The following ADGRL3 variants were observed in gnomAD, a reference collection of about 807,000 sequenced individuals.
ADGRL3 encodes adhesion G protein-coupled receptor L3, also known as calcium-independent alpha-latrotoxin receptor 3.
A neutral mutation model predicts 153.5 loss-of-function variants in ADGRL3; 62 were observed. The ratio of observed to expected loss-of-function variants is 0.40; its 90% confidence interval spans 0.33 to 0.50. ADGRL3 has a LOEUF of 0.50. Among genes scored for constraint, ADGRL3 ranks in the 20% least tolerant of loss-of-function variants. The probability of loss-of-function intolerance (pLI) is 0.47; values close to 1 mark genes in which losing one functional copy is unlikely to be tolerated. For missense variants in ADGRL3, 1,641 were observed against 1,859.4 expected, an observed-to-expected ratio of 0.88 and a Z score of 2.16; for synonymous variants, 710 against 672.5, an observed-to-expected ratio of 1.06 and a Z score of -0.86.
chr4:61,344,943 T>C (rs1371453597), intron 1 of ADGRL3, among the ~76,000 whole-genome samples: 1 of 151,264 alleles, frequency 6.6e-6, no homozygotes, highest in Non-Finnish European at 1.5e-5. Flanking sequence ...CCTGCCACCA[T>C]GCCTGGCTAA....
intron 8 of ADGRL3, among the ~76,000 whole-genome samples, chr4:61,754,226 T>C (rs1456115348): frequency 6.6e-6 from 1 of 152,226 alleles, no homozygotes; most frequent in East Asian, 1.9e-4. Flanking sequence ...AACCAATGTT[T>C]CTAGTTATTT....
chr4:61,651,117 C>T (rs904912926), intron 5 of ADGRL3, among the ~76,000 whole-genome samples: 3 of 151,928 alleles, frequency 2.0e-5, no homozygotes, highest in Non-Finnish European at 1.5e-5. Context: ...TAAAAAGGTT[C>T]GGAAGAAAAG....
intron 1 of ADGRL3, among the ~76,000 whole-genome samples, chr4:61,380,391 T>G (rs866771143): frequency 2.0e-5 from 3 of 152,052 alleles, no homozygotes; most frequent in African/African-American, 7.2e-5. Flanking sequence ...TCTCTACTTT[T>G]TAAACTTTCC....
intron 3 of ADGRL3, among the ~76,000 whole-genome samples, chr4:61,498,447 G>A (rs186813914): frequency 5.3e-5 from 8 of 152,176 alleles, no homozygotes; most frequent in Non-Finnish European, 7.4e-5. Flanking sequence ...CTACTCGGGA[G>A]GCTGAGGCAG....
chr4:62,028,577 C>A (rs2151474108), intron 21 of ADGRL3, among the ~76,000 whole-genome samples: 1 of 151,810 alleles, frequency 6.6e-6, no homozygotes, highest in East Asian at 1.9e-4. Context: ...AAATAAATGT[C>A]TCTTTCAAGT....
chr4:61,262,772 G>T (rs1298294146), intron 1 of ADGRL3, among the ~76,000 whole-genome samples: 1 of 151,968 alleles, frequency 6.6e-6, no homozygotes, highest in African/African-American at 2.4e-5. Context: ...ACTTACCACG[G>T]AATCACAGAC....
intron 8 of ADGRL3, among the ~76,000 whole-genome samples, chr4:61,750,650 C>T (rs1053717532): frequency 7.9e-5 from 12 of 151,844 alleles, no homozygotes; most frequent in Admixed American, 7.2e-4. Context: ...TTTAGCCGGG[C>T]GTAGTGGCGG....
Position 62,028,877 on chromosome 4 carries a change from A to T in ADGRL3, c.3418A>T (p.Ile1140Phe). ...NINYEDNRPF[I>F]KSWVIGAIAL... Reference sequence around the variant, plus strand: ...TAGCTATGAGGATAACAGACCCTTCATCAAGTAAGAATGACCTGAATGGCT... The same window carrying T: ...TAGCTATGAGGATAACAGACCCTTCTTCAAGTAAGAATGACCTGAATGGCT... Residue 1140 changes from isoleucine (I) to phenylalanine (F), a missense_variant, in exon 22 of 27, where the codon ATC (isoleucine) becomes TTC (phenylalanine). Ile to Phe is a conservative substitution (Grantham distance 21). This residue lies in a region of ADGRL3 where 517 missense variants were observed against 555.0 expected (regional missense o/e 0.93). Coordinates refer to ENST00000683033, the MANE Select transcript of ADGRL3 (RefSeq NM_001387552.1). 5.0e-6 allele frequency: 8 copies of T among 1,605,840 alleles called. No individual in the cohort carries two copies. Among genetic ancestry groups the T allele is most frequent in the Non-Finnish European group, 6.8e-6 (8 of 1,175,422 alleles).
chr4:61,743,324 C>CAAAAAAAA (rs752363213), intron 8 of ADGRL3, among the ~76,000 whole-genome samples: 2 of 50,786 alleles, frequency 3.9e-5, no homozygotes, highest in Non-Finnish European at 9.3e-5. Flanking sequence ...GACTCCATCT[C>CAAAAAAAA]AAAAAAAAAA....
rs563096117 is a variant in ADGRL3 at position 62,049,669 on chromosome 4, A to C, written c.3814+5120A>C. Among the ~76,000 whole-genome samples the C allele has an allele frequency of 2.0e-5, 3 of 152,236 alleles. No homozygotes were observed. In the South Asian group the frequency reaches 6.2e-4, roughly 32 times the overall value. On this transcript the variant is annotated intron_variant, in intron 25 of 26. Coordinates refer to ENST00000683033, the MANE Select transcript of ADGRL3 (RefSeq NM_001387552.1). ...AGCTAGTGGCATTACTACCTACTGA[A>C]AAGTGACCCCACCTGTTAGGAGTAT...
intron 1 of ADGRL3, among the ~76,000 whole-genome samples, chr4:61,368,550 G>A (rs1203083791): frequency 1.5e-4 from 23 of 151,668 alleles, no homozygotes; most frequent in South Asian, 4.2e-4. Context: ...GATATGCGGC[G>A]TTATTTCTGA....
intron 1 of ADGRL3, among the ~76,000 whole-genome samples, chr4:61,302,367 T>C (rs2094606746): frequency 6.6e-6 from 1 of 152,166 alleles, no homozygotes; most frequent in South Asian, 2.1e-4. Context: ...AGGCTACTAC[T>C]AGTGGAGCCT....
At chr4:61,737,600 T>C (rs1580529518) in intron 8 of ADGRL3, among the ~76,000 whole-genome samples, 1 of 152,324 alleles carries the variant, frequency 6.6e-6, no homozygotes, top group East Asian at 1.9e-4. Context: ...AAGATTATTG[T>C]TATATTTTAA....
intron 5 of ADGRL3, among the ~76,000 whole-genome samples, chr4:61,634,396 G>A (rs1379041506): frequency 6.6e-6 from 1 of 152,124 alleles, no homozygotes; most frequent in Admixed American, 6.5e-5. Context: ...CCAAGTTACT[G>A]AAGACTCATT....
chr4:61,449,313 T>A (rs1412744923), intron 2 of ADGRL3, among the ~76,000 whole-genome samples: 1 of 151,946 alleles, frequency 6.6e-6, no homozygotes, highest in African/African-American at 2.4e-5. Context: ...ATTTTTGTAT[T>A]TTTAGGAGAG....
At chr4:61,298,717 T>TA (rs1464376122) in intron 1 of ADGRL3, among the ~76,000 whole-genome samples, 1 of 152,178 alleles carries the variant, frequency 6.6e-6, no homozygotes, top group Non-Finnish European at 1.5e-5. Flanking sequence ...CTTCTGTAGT[T>TA]AAAAAATTAA....
chr4:61,573,347 C>G lies in ADGRL3; in HGVS notation c.260-13880C>G, dbSNP rs144603872. 3.8e-3 allele frequency among the ~76,000 whole-genome samples: 583 copies of G among 152,016 alleles called. 6 individuals are homozygous for G. Among genetic ancestry groups the G allele is most frequent in the Admixed American group, 9.3e-3 (142 of 15,250 alleles). ...AGTACACAGATTTTAAATATATCTG[C>G]ATTCATCTTAACCATGGCTCCCTAT... is the stretch of plus-strand genomic sequence containing the variant. On this transcript the variant is annotated intron_variant, in intron 4 of 26. Coordinates refer to ENST00000683033, the MANE Select transcript of ADGRL3 (RefSeq NM_001387552.1).
chr4:61,770,204 T>C (rs2097067077), intron 8 of ADGRL3, among the ~76,000 whole-genome samples: 1 of 152,382 alleles, frequency 6.6e-6, no homozygotes, highest in African/African-American at 2.4e-5. Flanking sequence ...TAGGGTTACC[T>C]GTTTACCTAC....
chr4:61,933,157 G>T (rs1166448802), intron 13 of ADGRL3, among the ~76,000 whole-genome samples: 1 of 151,994 alleles, frequency 6.6e-6, no homozygotes, highest in Non-Finnish European at 1.5e-5. Flanking sequence ...TTGCATGTGG[G>T]ATTTTCAGAG....
Sources: allele counts gnomAD v4.1 joint callset (sites outside exome capture counted in the v4.1 genomes callset), GRCh38; gene constraint gnomAD v4.1.1; regional missense constraint gnomAD v4.1.1; transcripts MANE v1.5; gene names NCBI Gene and HGNC (gene_info 2026-07-23, HGNC 2026-07-21).